Variants in NEGR1 observed in about 807,000 individuals in gnomAD.
NEGR1 encodes neuronal growth regulator 1.
Under a neutral mutation model 40.9 loss-of-function variants are expected in NEGR1, and 10 were observed. That is an observed-to-expected ratio of 0.24 (90% CI 0.15 to 0.42). The LOEUF (loss-of-function observed/expected upper bound fraction) is 0.42, where lower values mean the gene tolerates loss of function less well. Among genes scored for constraint, NEGR1 ranks in the 10% least tolerant of loss-of-function variants. The pLI is 1.00. For synonymous variants in NEGR1, 185 were observed against 166.8 expected (o/e 1.11, Z -0.84); for missense variants, 352 against 438.9 (o/e 0.80, Z 1.77).
intron 6 of NEGR1, among the ~76,000 whole-genome samples, chr1:71,481,116 G>A (rs1250026525): frequency 6.6e-6 from 1 of 151,808 alleles, no homozygotes; most frequent in Non-Finnish European, 1.5e-5. Context: ...ACCAGGCAAG[G>A]AAATGGATGT....
In NEGR1 at chr1:71,976,832, T is replaced by C. The variant is rs528943745; in HGVS notation, c.177-41521A>G. Among the ~76,000 whole-genome samples, 10 of 152,280 alleles carry C rather than the reference T, an allele frequency of 6.6e-5. No individual in the cohort carries two copies. In the East Asian group the frequency reaches 1.7e-3, roughly 26 times the overall value. On this transcript the variant is annotated intron_variant, in intron 1 of 6. Coordinates refer to ENST00000357731, the MANE Select transcript of NEGR1 (RefSeq NM_173808.3). Reference sequence around the variant, plus strand: ...ATGTCAACAAGAAAAAAACAGTGTATTTTTAGTATATTCTTCAAAGGATTT... The same window carrying C: ...ATGTCAACAAGAAAAAAACAGTGTACTTTTAGTATATTCTTCAAAGGATTT...
intron 6 of NEGR1, chr1:71,477,432 T>A (rs906413759): frequency 2.6e-5 from 4 of 152,096 alleles, no homozygotes; most frequent in African/African-American, 9.7e-5. Context: ...TTGTCTCCCA[T>A]GAGACTGCTA....
At chr1:72,135,347 G>A (rs1650412476) in intron 1 of NEGR1, among the ~76,000 whole-genome samples, 1 of 119,136 alleles carries the variant, frequency 8.4e-6, no homozygotes, top group South Asian at 2.7e-4. Context: ...CTGCATTCCA[G>A]CCTGGGTGAC....
At chr1:71,606,078 A>C (rs1365319542) in intron 5 of NEGR1, among the ~76,000 whole-genome samples, 2 of 152,218 alleles carry the variant, frequency 1.3e-5, no homozygotes, top group Non-Finnish European at 2.9e-5. Flanking sequence ...AGTCCTATTA[A>C]GCAAATGTTT....
At chr1:71,778,367 T>C (rs1656584896) in intron 2 of NEGR1, among the ~76,000 whole-genome samples, 2 of 152,182 alleles carry the variant, frequency 1.3e-5, no homozygotes, top group Non-Finnish European at 1.5e-5. Context: ...CATGAAATAT[T>C]CGACATTTTA....
chr1:71,986,276 T>C (rs551606141), intron 1 of NEGR1, among the ~76,000 whole-genome samples: 5 of 152,330 alleles, frequency 3.3e-5, no homozygotes, highest in Middle Eastern at 3.4e-3. Flanking sequence ...CCACAGCTGG[T>C]CATTAATCTA....
intron 1 of NEGR1, among the ~76,000 whole-genome samples, chr1:72,149,744 T>C (rs1466097917): frequency 2.0e-5 from 3 of 151,644 alleles, no homozygotes; most frequent in Non-Finnish European, 2.9e-5. Flanking sequence ...TAGCCGGGCA[T>C]AGTGGCACAT....
intron 1 of NEGR1, among the ~76,000 whole-genome samples, chr1:72,161,156 G>T (rs566196320): frequency 6.6e-6 from 1 of 152,242 alleles, no homozygotes; most frequent in Admixed American, 6.5e-5. Flanking sequence ...ATCTAGGACA[G>T]ATTTGTAAAG....
intron 4 of NEGR1, among the ~76,000 whole-genome samples, chr1:71,641,276 T>C (rs1478278783): frequency 6.6e-6 from 1 of 152,060 alleles, no homozygotes; most frequent in Non-Finnish European, 1.5e-5. Context: ...GTGTTATAGC[T>C]GATATACATA....
intron 1 of NEGR1, among the ~76,000 whole-genome samples, chr1:71,995,089 G>A (rs995728262): frequency 2.0e-5 from 3 of 150,884 alleles, no homozygotes; most frequent in Admixed American, 2.0e-4. Flanking sequence ...AATGTCTTTC[G>A]TGAGCTCAAT....
intron 1 of NEGR1, among the ~76,000 whole-genome samples, chr1:72,191,500 A>C (rs1180602190): frequency 6.6e-6 from 1 of 151,796 alleles, no homozygotes; most frequent in African/African-American, 2.4e-5. Context: ...TGTTAATCCC[A>C]TAATAATCTA....
chr1:71,913,855 G>GA (rs10642966), intron 2 of NEGR1, among the ~76,000 whole-genome samples: 4,479 of 128,482 alleles, frequency 0.035, 85 homozygotes, highest in South Asian at 0.062. Flanking sequence ...TGAAGGAAAG[G>GA]AAAAAAAAAA....
chr1:71,851,707 C>A (rs983035036), intron 2 of NEGR1, among the ~76,000 whole-genome samples: 6 of 152,032 alleles, frequency 3.9e-5, no homozygotes, highest in Non-Finnish European at 8.8e-5. Context: ...ATTACAGAAA[C>A]TGTAGCATTT....
intron 4 of NEGR1, among the ~76,000 whole-genome samples, chr1:71,627,436 C>T (rs914582234): frequency 2.6e-5 from 4 of 151,984 alleles, no homozygotes; most frequent in South Asian, 2.1e-4. Flanking sequence ...ATGACTCCCA[C>T]CAATATATTT....
chr1:71,707,348 A>G lies in NEGR1; in HGVS notation c.536-9209T>C, dbSNP rs181575724. 2.6e-5 allele frequency among the ~76,000 whole-genome samples: 4 copies of G among 152,296 alleles called. No individual in the cohort carries two copies. The East Asian group carries it at 7.7e-4, about 30-fold the overall frequency. Reference sequence around the variant, plus strand: ...ATACTTTAGGTCTTAAGGGGACATCAGTGGTAGGCTGAGAGTGCTCCTCAT... The same window carrying G: ...ATACTTTAGGTCTTAAGGGGACATCGGTGGTAGGCTGAGAGTGCTCCTCAT... On this transcript the variant is annotated intron_variant, in intron 3 of 6. Coordinates refer to ENST00000357731, the MANE Select transcript of NEGR1 (RefSeq NM_173808.3).
At chr1:71,765,443 T>C (rs1193406625) in intron 3 of NEGR1, among the ~76,000 whole-genome samples, 2 of 152,180 alleles carry the variant, frequency 1.3e-5, no homozygotes, top group African/African-American at 2.4e-5. Flanking sequence ...TAAACAAGCT[T>C]ATTTTTCATT....
At chr1:71,613,963 A>G (rs1046755665) in intron 4 of NEGR1, among the ~76,000 whole-genome samples, 2 of 152,172 alleles carry the variant, frequency 1.3e-5, no homozygotes, top group African/African-American at 4.8e-5. Flanking sequence ...TATGAAAACT[A>G]TAAAAACTCT....
chr1:71,686,473 C>T (rs760568731), intron 4 of NEGR1, among the ~76,000 whole-genome samples: 7 of 152,078 alleles, frequency 4.6e-5, no homozygotes, highest in Non-Finnish European at 8.8e-5. Context: ...ATCCTGAAAG[C>T]TAATGGGTTA....
At chr1:71,841,820 A>T (rs976571754) in intron 2 of NEGR1, among the ~76,000 whole-genome samples, 1 of 152,138 alleles carries the variant, frequency 6.6e-6, no homozygotes, top group African/African-American at 2.4e-5. Context: ...TTCTTCCCAT[A>T]GATTACCTGG....
Sources: allele counts gnomAD v4.1 joint callset (sites outside exome capture counted in the v4.1 genomes callset), GRCh38; gene constraint gnomAD v4.1.1; transcripts MANE v1.5; gene names NCBI Gene and HGNC (gene_info 2026-07-23, HGNC 2026-07-21).